NHSL1: variants seen among roughly 807,000 people sequenced by gnomAD.
NHSL1 encodes NHS like 1.
Under a neutral mutation model 95.0 loss-of-function variants are expected in NHSL1, and 48 were observed. The ratio of observed to expected loss-of-function variants is 0.51; its 90% CI spans 0.40 to 0.64. The LOEUF (loss-of-function observed/expected upper bound fraction) is 0.64, where lower values mean the gene tolerates loss of function less well. Among genes scored for constraint, NHSL1 ranks in the 30% least tolerant of loss-of-function variants. The pLI is 0.00. For synonymous variants in NHSL1, 783 were observed against 833.9 expected, an observed-to-expected ratio of 0.94 and a Z score of 1.05; for missense variants, 1,971 against 2,077.7, an observed-to-expected ratio of 0.95 and a Z score of 1.00.
At chr6:138,486,873 T>G (rs1489370000) in intron 2 of NHSL1, among the ~76,000 whole-genome samples, 1 of 152,028 alleles carries the variant, frequency 6.6e-6, no homozygotes, top group Non-Finnish European at 1.5e-5. Flanking sequence ...AGCAGAATGG[T>G]GGAGTGTAAG....
At chr6:138,588,451 G>A (rs535003562) in intron 1 of NHSL1, among the ~76,000 whole-genome samples, 25 of 152,300 alleles carry the variant, frequency 1.6e-4, no homozygotes, top group African/African-American at 5.8e-4. Flanking sequence ...GACAGAGCAA[G>A]ACTTCGTCTC....
intron 1 of NHSL1, among the ~76,000 whole-genome samples, chr6:138,621,723 T>C (rs1288893312): frequency 3.3e-5 from 5 of 152,090 alleles, no homozygotes; most frequent in African/African-American, 1.2e-4. Flanking sequence ...CCGCCTCAAA[T>C]GTGATTGATT....
intron 1 of NHSL1, among the ~76,000 whole-genome samples, chr6:138,655,212 T>C (rs578020530): frequency 1.3e-5 from 2 of 152,314 alleles, no homozygotes; most frequent in South Asian, 2.1e-4. Flanking sequence ...AATACACTAA[T>C]TGAGTTTCAT....
rs186499144 is a variant in NHSL1, at chr6:138,592,580, C to T, written c.97-96209G>A. Reference sequence around the variant, plus strand: ...TTGCTCCACTGCACTCCAGCTTGGGCGACAGAGCGAGACTGTCGCACAAAA... The same window carrying T: ...TTGCTCCACTGCACTCCAGCTTGGGTGACAGAGCGAGACTGTCGCACAAAA... On this transcript the variant is annotated intron_variant, in intron 1 of 3. Transcript: ENST00000491526. Among the ~76,000 whole-genome samples the T allele has an allele frequency of 9.7e-3, 1,469 of 151,748 alleles. 10 individuals are homozygous for T. Among genetic ancestry groups the T allele is most frequent in the South Asian group, 0.024 (115 of 4,784 alleles).
chr6:138,546,129 T>C (rs1274860636), upstream of NHSL1, among the ~76,000 whole-genome samples: 1 of 152,096 alleles, frequency 6.6e-6, no homozygotes, highest in Non-Finnish European at 1.5e-5. Context: ...TTTTCTAATA[T>C]AGAACACACC....
exon 1 of NHSL1, chr6:138,572,518 T>TCC (rs1943597346): frequency 6.6e-6 from 1 of 152,414 alleles, no homozygotes; most frequent in Admixed American, 6.5e-5. Context: ...CCACTTGCTC[T>TCC]CCTTCCCGTC....
chr6:138,533,909 G>C (rs375177035), intron 1 of NHSL1, among the ~76,000 whole-genome samples: 1 of 152,274 alleles, frequency 6.6e-6, no homozygotes, highest in East Asian at 1.9e-4. Flanking sequence ...CAGTCACCAC[G>C]AAGCTGAGAC....
intron 1 of NHSL1, among the ~76,000 whole-genome samples, chr6:138,612,424 A>G (rs1237574887): frequency 1.3e-5 from 2 of 152,238 alleles, no homozygotes; most frequent in African/African-American, 2.4e-5. Flanking sequence ...ATGAAAAATA[A>G]TAAGTATAAA....
chr6:138,670,658 T>C (rs1239211079), intron 1 of NHSL1, among the ~76,000 whole-genome samples: 2 of 99,858 alleles, frequency 2.0e-5, no homozygotes, highest in African/African-American at 8.2e-5. Context: ...AAAGCGAGAC[T>C]CCGTCTCAAA....
intron 1 of NHSL1, among the ~76,000 whole-genome samples, chr6:138,680,490 TA>T (rs1785499051): frequency 1.3e-5 from 2 of 152,230 alleles, no homozygotes; most frequent in Admixed American, 1.3e-4. Flanking sequence ...AACATACTCC[TA>T]AGTCAGAAAG....
intron 4 of NHSL1, among the ~76,000 whole-genome samples, chr6:138,442,684 T>C (rs1583176855): frequency 6.6e-6 from 1 of 152,240 alleles, no homozygotes; most frequent in African/African-American, 2.4e-5. Context: ...AAACGCCTTA[T>C]AATGATAAAG....
chr6:138,583,119 G>A (rs9484179), intron 1 of NHSL1, among the ~76,000 whole-genome samples: 6,403 of 152,248 alleles, frequency 0.042, 434 homozygotes, highest in African/African-American at 0.14. Flanking sequence ...GGGCAGTCCT[G>A]GGTACAAAGG....
At chr6:138,443,531 A>G (rs540904597) in intron 4 of NHSL1, among the ~76,000 whole-genome samples, 1 of 152,350 alleles carries the variant, frequency 6.6e-6, no homozygotes, top group Non-Finnish European at 1.5e-5. Context: ...AAACATTAAT[A>G]GAAAGTTACA....
At chr6:138,611,604 G>A (rs1183984061) in intron 1 of NHSL1, among the ~76,000 whole-genome samples, 6 of 152,014 alleles carry the variant, frequency 3.9e-5, no homozygotes, top group Admixed American at 3.9e-4. Context: ...AAATTAGCTG[G>A]GCGCAGTGAG....
intron 1 of NHSL1, among the ~76,000 whole-genome samples, chr6:138,652,806 CA>C (rs1785109900): frequency 6.6e-6 from 1 of 152,210 alleles, no homozygotes; most frequent in African/African-American, 2.4e-5. Context: ...GAAATATGAA[CA>C]CCTGCCAGAT....
chr6:138,589,151 TA>T (rs1485177465), intron 1 of NHSL1, among the ~76,000 whole-genome samples: 3 of 152,128 alleles, frequency 2.0e-5, no homozygotes, highest in Non-Finnish European at 2.9e-5. Flanking sequence ...GGGTGGCTCA[TA>T]AAATGAAAGC....
At chr6:138,657,814 C>CAAAAAAAA (rs1051789759) in intron 1 of NHSL1, among the ~76,000 whole-genome samples, 5 of 33,020 alleles carry the variant, frequency 1.5e-4, no homozygotes, top group Admixed American at 6.8e-4. Flanking sequence ...GACTCCATCT[C>CAAAAAAAA]AAAAAAAAAA....
intron 1 of NHSL1, among the ~76,000 whole-genome samples, chr6:138,604,915 C>T (rs560431663): frequency 5.9e-5 from 9 of 152,284 alleles, no homozygotes; most frequent in African/African-American, 1.9e-4. Context: ...AGAGCCACCA[C>T]GCCCAGCCTG....
At chr6:138,511,038 C>G (rs1027715265) in intron 1 of NHSL1, among the ~76,000 whole-genome samples, 1 of 152,080 alleles carries the variant, frequency 6.6e-6, no homozygotes, top group Non-Finnish European at 1.5e-5. Context: ...TTGGCCCACA[C>G]AGAATCTGAG....
Sources: gnomAD v4.1 joint callset for allele counts (sites outside exome capture counted in the v4.1 genomes callset) on GRCh38, gnomAD v4.1.1 for gene constraint, MANE v1.5 for transcripts, NCBI Gene and HGNC (gene_info 2026-07-23, HGNC 2026-07-21) for gene names.